The following DRC11 variants were observed in gnomAD, a reference collection of about 807,000 sequenced individuals.
The protein encoded by DRC11 is IQ and AAA domain-containing protein 1.
chr2:236,487,182 G>A, the DRC11 span, among the ~76,000 whole-genome samples: 1 of 152,194 alleles, frequency 6.6e-6, no homozygotes, highest in Non-Finnish European at 1.5e-5. Flanking sequence ...TGTGAGGCTA[G>A]ATCTAAGGAC....
chr2:236,334,291 C>T, the DRC11 span, among the ~76,000 whole-genome samples: 1 of 152,194 alleles, frequency 6.6e-6, no homozygotes, highest in Admixed American at 6.5e-5. The surrounding 1 kb of genome is among the most constrained non-coding windows in gnomAD (Gnocchi z 7.8). Flanking sequence ...GTAGGGCCCA[C>T]GGTGGTGTCA....
the DRC11 span, among the ~76,000 whole-genome samples, chr2:236,341,977 T>C: frequency 6.6e-6 from 1 of 152,202 alleles, no homozygotes; most frequent in Non-Finnish European, 1.5e-5. Flanking sequence ...CCTTTTCCTG[T>C]CCGCAACAGT....
chr2:236,455,724 G>A, the DRC11 span, among the ~76,000 whole-genome samples: 1 of 152,086 alleles, frequency 6.6e-6, no homozygotes, highest in East Asian at 1.9e-4. The surrounding 1 kb of genome is among the most constrained non-coding windows in gnomAD (Gnocchi z 5.7). Flanking sequence ...ACACTGAAAG[G>A]GGAGAATTTT....
the DRC11 span, among the ~76,000 whole-genome samples, chr2:236,505,873 T>C: frequency 6.6e-6 from 1 of 152,214 alleles, no homozygotes; most frequent in African/African-American, 2.4e-5. Flanking sequence ...TTTTCTGTCT[T>C]GGAGCCATGT....
At chr2:236,383,624 T>C in the DRC11 span, among the ~76,000 whole-genome samples, 2 of 151,900 alleles carry the variant, frequency 1.3e-5, no homozygotes, top group Admixed American at 6.5e-5. Context: ...CTTGGTATGT[T>C]GTGTGGTCAT....
the DRC11 span, among the ~76,000 whole-genome samples, chr2:236,383,733 A>G: frequency 6.6e-6 from 1 of 150,926 alleles, no homozygotes; most frequent in Non-Finnish European, 1.5e-5. Context: ...TTACATATGT[A>G]TACATGTGCC....
At chr2:236,457,871 T>C in the DRC11 span, among the ~76,000 whole-genome samples, 2 of 152,210 alleles carry the variant, frequency 1.3e-5, no homozygotes, top group African/African-American at 4.8e-5. This position sits in a 1 kb window ranked among gnomAD's most constrained non-coding sequence, Gnocchi z 4.7. Context: ...ACCTGTGAAC[T>C]GGGAGAAAAT....
chr2:236,344,009 C>T, the DRC11 span, among the ~76,000 whole-genome samples: 8 of 149,532 alleles, frequency 5.4e-5, no homozygotes, highest in South Asian at 2.1e-4. Context: ...ATAACAATCT[C>T]GTGTATCTGC....
the DRC11 span, among the ~76,000 whole-genome samples, chr2:236,492,986 C>T: frequency 4.6e-5 from 7 of 152,224 alleles, no homozygotes; most frequent in Non-Finnish European, 5.9e-5. Context: ...CCAAGTGTCA[C>T]TCAATGTATT....
chr2:236,327,695 A>AT, the DRC11 span, among the ~76,000 whole-genome samples: 7 of 150,260 alleles, frequency 4.7e-5, no homozygotes, highest in Admixed American at 1.3e-4. Flanking sequence ...TTATTTATTT[A>AT]TTTTTTGAGA....
At chr2:236,440,615 A>G in the DRC11 span, among the ~76,000 whole-genome samples, 3 of 152,250 alleles carry the variant, frequency 2.0e-5, no homozygotes, top group African/African-American at 7.2e-5. Context: ...GGAGCTAAGC[A>G]GAAAGGCACC....
the DRC11 span, among the ~76,000 whole-genome samples, chr2:236,505,776 C>T: frequency 2.6e-5 from 4 of 152,114 alleles, no homozygotes; most frequent in East Asian, 7.7e-4. Flanking sequence ...ATCCCATGTC[C>T]TCTCACTACC....
At chr2:236,410,298 G>T in the DRC11 span, among the ~76,000 whole-genome samples, 1 of 151,864 alleles carries the variant, frequency 6.6e-6, no homozygotes, top group African/African-American at 2.4e-5. Context: ...CCTGTTATTG[G>T]TCTATTCAGA....
chr2:236,493,749 G>T, the DRC11 span: 3 of 1,563,654 alleles, frequency 1.9e-6, no homozygotes, highest in Non-Finnish European at 2.6e-6. Flanking sequence ...ATTAATGTTT[G>T]TTAAAATGAT....
the DRC11 span, among the ~76,000 whole-genome samples, chr2:236,354,053 G>A: frequency 1.3e-5 from 2 of 152,152 alleles, no homozygotes; most frequent in Non-Finnish European, 2.9e-5. Flanking sequence ...GAAGGGCAGA[G>A]GTATACTAGA....
the DRC11 span, among the ~76,000 whole-genome samples, chr2:236,340,344 G>A: frequency 1.1e-4 from 17 of 152,266 alleles, no homozygotes; most frequent in African/African-American, 3.9e-4. Flanking sequence ...TGCTAGTCTC[G>A]AACTTCTGAC....
chr2:236,487,583 G>T, the DRC11 span, among the ~76,000 whole-genome samples: 5 of 152,058 alleles, frequency 3.3e-5, no homozygotes, highest in African/African-American at 1.2e-4. Flanking sequence ...CTTCTAGAAG[G>T]GACACTGATG....
At chr2:236,504,958 G>A in the DRC11 span, among the ~76,000 whole-genome samples, 2 of 152,188 alleles carry the variant, frequency 1.3e-5, no homozygotes, top group Non-Finnish European at 2.9e-5. This position sits in a 1 kb window ranked among gnomAD's most constrained non-coding sequence, Gnocchi z 5.0. Context: ...AAATCACCCA[G>A]TCTCGGGTAT....
the DRC11 span, among the ~76,000 whole-genome samples, chr2:236,383,270 T>C: frequency 6.6e-6 from 1 of 152,216 alleles, no homozygotes; most frequent in Non-Finnish European, 1.5e-5. Flanking sequence ...TATGATCTTT[T>C]TCGTTTCTTT....
Sources: allele counts gnomAD v4.1 joint callset (sites outside exome capture counted in the v4.1 genomes callset), GRCh38; gene constraint gnomAD v4.1.1; non-coding constraint Gnocchi (gnomAD v3.1); transcripts MANE v1.5; gene names NCBI Gene and HGNC (gene_info 2026-07-23, HGNC 2026-07-21).